The following RESP18 variants were observed in gnomAD, a reference collection of about 807,000 sequenced individuals.
RESP18 encodes the protein regulated endocrine specific protein 18.
In RESP18, 30 loss-of-function variants were observed where a neutral mutation model predicts 30.0. The observed-to-expected ratio is 1.00, with a 90% confidence interval of 0.75 to 1.36. RESP18 has a LOEUF of 1.36. RESP18 is among the 40% of genes most tolerant of loss of function. The probability of loss-of-function intolerance (pLI) is 0.00; values close to 1 mark genes in which losing one functional copy is unlikely to be tolerated. For missense variants in RESP18, 320 were observed against 284.2 expected, an observed-to-expected ratio of 1.13 and a Z score of -0.91; for synonymous variants, 117 against 111.2, an observed-to-expected ratio of 1.05 and a Z score of -0.33.
In RESP18 at chr2:219,329,632, C is replaced by T. The variant is rs761794222; in HGVS notation, c.465+5G>A. ...TGGAATGACCACAGGCCTCATGCAC[C>T]TCACCTCAGTGGTTTTAGTGGGGAA... On this transcript the variant is annotated splice_donor_5th_base_variant and intron_variant, in intron 4 of 6. Transcript: ENST00000333527. 2 of 1,551,306 alleles carry T rather than the reference C, an allele frequency of 1.3e-6. No individual in the cohort carries two copies. The highest frequency in any genetic ancestry group is 1.4e-5 in the African/African-American group (1 of 73,038).
At chr2:219,332,944 G>A (rs948493077) in intron 1 of RESP18, among the ~76,000 whole-genome samples, 200 bp from the exon 1 acceptor site, 3 of 152,046 alleles carry the variant, frequency 2.0e-5, no homozygotes, top group African/African-American at 7.2e-5. Flanking sequence ...GTAAGATACG[G>A]GTGCAAGTTG....
At chr2:219,332,778 G>T (rs542443264) in intron 1 of RESP18, 34 bp from the exon 1 acceptor site, 1 of 1,467,992 alleles carries the variant, frequency 6.8e-7, no homozygotes, top group Non-Finnish European at 9.1e-7. Context: ...ATCGTGAGCG[G>T]GCCCTGCCCC....
chr2:219,328,289 C>T (rs1952793586), intron 6 of RESP18, among the ~76,000 whole-genome samples: 2 of 152,198 alleles, frequency 1.3e-5, no homozygotes, highest in African/African-American at 2.4e-5. Context: ...AATTCTCCAC[C>T]CTCATCTTTG....
rs549019033 is a variant in RESP18 at position 219,329,124 on chromosome 2, A to C, written c.555+39T>G. 1.6e-5 allele frequency: 24 copies of C among 1,528,526 alleles called. No individual in the cohort carries two copies. In the East Asian group the frequency reaches 2.0e-4, roughly 12 times the overall value. The allele number at this position is 1,528,526 out of a possible 1,614,324, so 94.7% of individuals were successfully genotyped here. A position where few individuals can be genotyped will look rare whatever the true frequency, so the allele number is the denominator to read the frequency against. On this transcript the variant is annotated intron_variant, in intron 5 of 6. Coordinates refer to ENST00000333527, the MANE Select transcript of RESP18 (RefSeq NM_001007089.4). Reference sequence around the variant, plus strand: ...TTCTTCCTATCTGCCTCCCTCATTTAAACAGGTCCAACCTCCCTAGAAAAA... The same window carrying C: ...TTCTTCCTATCTGCCTCCCTCATTTCAACAGGTCCAACCTCCCTAGAAAAA...
rs1952788070 is a variant in RESP18 at position 219,327,706 on chromosome 2, C to T, written c.641-143G>A. The T allele has an allele frequency of 5.5e-6, 4 of 731,336 alleles. No individual in the cohort carries two copies. The South Asian group carries it at 6.4e-5, about 12-fold the overall frequency. 45.3% of individuals were successfully genotyped at this position (731,336 alleles called of 1,614,324 possible). On this transcript the variant is annotated intron_variant, in intron 6 of 6. Transcript: ENST00000333527. ...TGGTGACAGCTCACCAACTGAGAGCCTGTCCCCTTGGGTCTCACATGTAGC... is the reference window on the plus strand; with the variant it reads ...TGGTGACAGCTCACCAACTGAGAGCTTGTCCCCTTGGGTCTCACATGTAGC...
intron 1 of RESP18, chr2:219,333,120 T>G (rs995263981): frequency 1.9e-5 from 16 of 835,728 alleles, no homozygotes; most frequent in Non-Finnish European, 2.5e-5. Flanking sequence ...TATATAATAT[T>G]ATATATTATA....
In RESP18 at chr2:219,332,735, G is replaced by C. The variant is rs1042895848; in HGVS notation, c.21C>G (p.Phe7Leu). ...CAGCTTCCCACCAGCCCGCGACTCC[G>C]AATCTGTTTAACCCTCCTCGGCAGT... Residue 7 changes from phenylalanine (F) to leucine (L), a missense_variant, in exon 2 of 7, where the codon TTC (phenylalanine) becomes TTG (leucine). Coordinates refer to ENST00000333527, the MANE Select transcript of RESP18 (RefSeq NM_001007089.4). 1 of 1,543,882 alleles carries C rather than the reference G, an allele frequency of 6.5e-7. No homozygotes were observed.
intron 5 of RESP18, 34 bp from the exon 5 acceptor site, chr2:219,329,042 T>TACAGAAG (rs1559315203): frequency 6.6e-7 from 1 of 1,513,996 alleles, no homozygotes; most frequent in African/African-American, 1.4e-5. Context: ...GTACCTTTGA[T>TACAGAAG]TAGGAATGGA....
chr2:219,331,409 T>C (rs1045714376), intron 2 of RESP18, among the ~76,000 whole-genome samples: 8 of 152,174 alleles, frequency 5.3e-5, no homozygotes, highest in African/African-American at 1.7e-4. Flanking sequence ...ACACCTTCCT[T>C]CTTCCAGATC....
chr2:219,331,333 A>C (rs939640465), intron 2 of RESP18, among the ~76,000 whole-genome samples: 1 of 152,028 alleles, frequency 6.6e-6, no homozygotes, highest in African/African-American at 2.4e-5. Flanking sequence ...CCTGAAGCCC[A>C]CAGTTTGCCC....
chr2:219,330,855 C>T lies in RESP18; in HGVS notation c.253G>A (p.Val85Met). ...CCTTGGAGGGGCCAAAGCTGCCCCA[C>T]TCCTACTTGGTCCTGACCATCTAAG... The change falls in exon 3 of 7, where the codon GTG becomes ATG. Residue 85 changes from valine (V) to methionine (M), a missense_variant. Val to Met is a conservative substitution (Grantham distance 21). Transcript: ENST00000333527. The T allele has an allele frequency of 1.3e-6, 2 of 1,551,462 alleles. No homozygotes were observed. The highest frequency in any genetic ancestry group is 2.0e-5 in the Admixed American group (1 of 51,004).
At chr2:219,332,795 C>G (rs1360497449) in intron 1 of RESP18, 51 bp from the exon 1 acceptor site, 24 of 1,376,198 alleles carry the variant, frequency 1.7e-5, no homozygotes. Flanking sequence ...CCCCTGCGGT[C>G]GCCTCCCCAG....
At position 219,329,783 on chromosome 2, in the gene RESP18, G is replaced by T; in HGVS notation, c.338-19C>A. Reference sequence around the variant, plus strand: ...AACAGACCTGCAGGATGAAAGGATGGGGGGTGAGTTGACACCTGAGACACT... The same window carrying T: ...AACAGACCTGCAGGATGAAAGGATGTGGGGTGAGTTGACACCTGAGACACT... On this transcript the variant is annotated intron_variant, in intron 3 of 6. Transcript: ENST00000333527. The T allele has an allele frequency of 6.5e-7, 1 of 1,547,748 alleles. No homozygotes were observed. The highest frequency in any genetic ancestry group is 8.7e-7 in the Non-Finnish European group (1 of 1,143,980).
At position 219,330,799 on chromosome 2, in the gene RESP18, C is replaced by A. The variant is rs914907236; in HGVS notation, c.309G>T (p.Gln103His). 6.4e-7 allele frequency: 1 copy of A among 1,551,298 alleles called. No homozygotes were observed. Among genetic ancestry groups the A allele is most frequent in the Non-Finnish European group, 8.7e-7 (1 of 1,146,756 alleles). Reference sequence around the variant, plus strand: ...GGGGTATAATCTGCTGGAGCACAACCTGTAAATGCTGGAAGACTGGGGTGG... The same window carrying A: ...GGGGTATAATCTGCTGGAGCACAACATGTAAATGCTGGAAGACTGGGGTGG... The change falls in exon 3 of 7, where the codon CAG (glutamine) becomes CAT (histidine). Residue 103 changes from glutamine (Q) to histidine (H), a missense_variant. By Grantham distance (24) the Gln-to-His change is conservative. Coordinates refer to ENST00000333527, the MANE Select transcript of RESP18 (RefSeq NM_001007089.4).
chr2:219,330,806 TG>T lies in RESP18; in HGVS notation c.301del (p.His101IlefsTer25). 1.2e-5 allele frequency: 18 copies of T among 1,551,406 alleles called. No individual in the cohort carries two copies. Among genetic ancestry groups the T allele is most frequent in the Non-Finnish European group, 1.6e-5 (18 of 1,146,834 alleles). ...AATCTGCTGGAGCACAACCTGTAAA[TG>T]CTGGAAGACTGGGGTGGCAAATCCT... On this transcript the variant is annotated frameshift_variant, in exon 3 of 7. Transcript: ENST00000333527. LOFTEE classifies it high-confidence loss of function.
intron 2 of RESP18, among the ~76,000 whole-genome samples, chr2:219,331,624 C>T (rs1039097755): frequency 6.6e-6 from 1 of 152,190 alleles, no homozygotes; most frequent in African/African-American, 2.4e-5. Flanking sequence ...ACCTCCAACA[C>T]CCTGAGGAGA....
At chr2:219,332,502 A>AC (rs748902555) in intron 2 of RESP18, 22 bp downstream of exon 1, 3 of 1,534,710 alleles carry the variant, frequency 2.0e-6, no homozygotes, top group South Asian at 1.2e-5. Context: ...CCCTGCCCGC[A>AC]CCCCCCAGGG....
intron 6 of RESP18, among the ~76,000 whole-genome samples, chr2:219,328,408 T>A (rs1952794524): frequency 6.6e-6 from 1 of 151,504 alleles, no homozygotes. Flanking sequence ...CATCTTCCTC[T>A]GGTTGCCACC....
At chr2:219,328,786 AG>A (rs1952798748) in intron 6 of RESP18, 137 bp downstream of exon 5, 11 of 615,792 alleles carry the variant, frequency 1.8e-5, no homozygotes, top group Middle Eastern at 3.0e-4. Context: ...GCTGAATGTG[AG>A]GGTCTCTGAG....
Sources: gnomAD v4.1 joint callset for allele counts (sites outside exome capture counted in the v4.1 genomes callset) on GRCh38, gnomAD v4.1.1 for gene constraint, MANE v1.5 for transcripts, NCBI Gene and HGNC (gene_info 2026-07-23, HGNC 2026-07-21) for gene names.